The following DAAM1 variants were observed in gnomAD, a reference collection of about 807,000 sequenced individuals.
The protein encoded by DAAM1 is dishevelled associated activator of morphogenesis 1.
DAAM1 carries 52 observed loss-of-function variants against 130.0 expected under a neutral mutation model. That is an observed-to-expected ratio of 0.40 (90% CI 0.32 to 0.50). The LOEUF is 0.50. DAAM1 is among the 20% of genes least tolerant of loss of function. The pLI, the probability that DAAM1 is intolerant of heterozygous loss-of-function variation, is 0.61. For synonymous variants in DAAM1, 452 were observed against 444.5 expected (o/e 1.02, Z -0.21); for missense variants, 1,134 against 1,303.8 (o/e 0.87, Z 2.01).
chr14:59,244,615 A>T (rs1881282098), intron 1 of DAAM1, among the ~76,000 whole-genome samples: 1 of 152,220 alleles, frequency 6.6e-6, no homozygotes, highest in Non-Finnish European at 1.5e-5. Flanking sequence ...CACATGCAGA[A>T]TTGTGAATCT....
chr14:59,342,720 G>A (rs555620027), intron 16 of DAAM1, among the ~76,000 whole-genome samples: 1 of 152,266 alleles, frequency 6.6e-6, no homozygotes, highest in East Asian at 1.9e-4. Context: ...GAGAAGATTT[G>A]TGCGCAGTTC....
Position 59,326,003 on chromosome 14 carries a change from C to G in DAAM1, c.1100C>G (p.Thr367Ser). 6.2e-7 allele frequency: 1 copy of G among 1,614,180 alleles called. No individual in the cohort carries two copies. Among genetic ancestry groups the G allele is most frequent in the East Asian group, 2.2e-5 (1 of 44,868 alleles). ...AGTGCAACTCAGATGTTTGAGCTGA[C>G]CAGGAAGAGGCTGACACATAGTGAA... Reference protein sequence around the residue: ...TKSATQMFELTRKRLTHSEAY... With the variant: ...TKSATQMFELSRKRLTHSEAY... Residue 367 changes from threonine (T) to serine (S), a missense_variant, in exon 10 of 25, where the codon ACC becomes AGC. By Grantham distance (58) the Thr-to-Ser change is moderately conservative. Transcript: ENST00000360909.
At chr14:59,359,165 T>C (rs1886606557) in intron 20 of DAAM1, 1 of 330,298 alleles carries the variant, frequency 3.0e-6, no homozygotes, top group Admixed American at 4.4e-5. Flanking sequence ...GTGTGCTTTT[T>C]GACATATATC....
chr14:59,309,712 T>C (rs1025820444), intron 3 of DAAM1, among the ~76,000 whole-genome samples: 1 of 152,230 alleles, frequency 6.6e-6, no homozygotes, highest in African/African-American at 2.4e-5. Context: ...AGGAAAAGTT[T>C]GCGACCCTTG....
intron 17 of DAAM1, 73 bp from the exon 18 acceptor site, chr14:59,352,453 C>A: frequency 8.5e-7 from 1 of 1,175,366 alleles, no homozygotes; most frequent in Non-Finnish European, 1.2e-6. Context: ...GACAGATTAA[C>A]TGAAAGGGTG....
intron 5 of DAAM1, 25 bp from the exon 6 acceptor site, chr14:59,322,867 C>T (rs763284090): frequency 3.2e-5 from 50 of 1,569,042 alleles, no homozygotes; most frequent in African/African-American, 5.4e-5. Flanking sequence ...GGCACTTAAG[C>T]ATGGTGCATT....
At chr14:59,360,743 CTTATA>C (rs1332221728) in intron 21 of DAAM1, 54 bp from the exon 22 acceptor site, 2 of 1,449,458 alleles carry the variant, frequency 1.4e-6, no homozygotes, top group Admixed American at 3.9e-5. Flanking sequence ...TTAAACCCAT[CTTATA>C]TTTAATATGT....
chr14:59,272,643 A>ATAGGTATG (rs1882771218), intron 2 of DAAM1, among the ~76,000 whole-genome samples: 1 of 145,874 alleles, frequency 6.9e-6, no homozygotes, highest in Non-Finnish European at 1.5e-5. Context: ...ACACACATAT[A>ATAGGTATG]TATGTATGTA....
At chr14:59,190,742 T>C (rs1887707278) in intron 1 of DAAM1, among the ~76,000 whole-genome samples, 1 of 152,130 alleles carries the variant, frequency 6.6e-6, no homozygotes, top group Non-Finnish European at 1.5e-5. Context: ...GTAGAGAGGG[T>C]TTCCTAACGT....
At chr14:59,194,725 T>C (rs1887831738) in intron 1 of DAAM1, among the ~76,000 whole-genome samples, 1 of 152,218 alleles carries the variant, frequency 6.6e-6, no homozygotes, top group African/African-American at 2.4e-5. Flanking sequence ...TAAAATAAAC[T>C]TTTTCCCCCC....
At chr14:59,247,428 C>T (rs1178904717) in intron 1 of DAAM1, among the ~76,000 whole-genome samples, 2 of 152,022 alleles carry the variant, frequency 1.3e-5, no homozygotes, top group Middle Eastern at 3.2e-3. Context: ...CCAAAGATGC[C>T]GTTGGGATTT....
chr14:59,195,565 T>G (rs1408626639), intron 1 of DAAM1, among the ~76,000 whole-genome samples: 2 of 152,160 alleles, frequency 1.3e-5, no homozygotes, highest in Non-Finnish European at 2.9e-5. Context: ...GGCACACAAT[T>G]AAGGTCACCT....
chr14:59,310,914 GACCTTTGCATAGCTT>G (rs1884563675), intron 3 of DAAM1, among the ~76,000 whole-genome samples: 1 of 151,818 alleles, frequency 6.6e-6, no homozygotes, highest in South Asian at 2.1e-4. Context: ...ACAATTGATT[GACCTTTGCATAGCTT>G]ATTTTGGGCC....
intron 1 of DAAM1, among the ~76,000 whole-genome samples, chr14:59,259,461 C>A (rs981923580): frequency 1.3e-5 from 2 of 152,128 alleles, no homozygotes; most frequent in African/African-American, 4.8e-5. Flanking sequence ...ATTTTCTTGC[C>A]CTCATTTCCT....
At chr14:59,280,535 C>T (rs1485950221) in intron 2 of DAAM1, among the ~76,000 whole-genome samples, 43 of 90,656 alleles carry the variant, frequency 4.7e-4, no homozygotes, top group Non-Finnish European at 1.0e-4. Flanking sequence ...GCACACCTTC[C>T]TTTTTTTTTT....
At chr14:59,213,940 C>G (rs773521369) in intron 1 of DAAM1, among the ~76,000 whole-genome samples, 124 of 152,328 alleles carry the variant, frequency 8.1e-4, no homozygotes, top group Middle Eastern at 3.4e-3. Context: ...AGGGCAACCT[C>G]AGAGCTTGTT....
At chr14:59,323,948 C>T (rs1367914197) in intron 6 of DAAM1, among the ~76,000 whole-genome samples, 180 bp from the exon 7 acceptor site, 3 of 151,636 alleles carry the variant, frequency 2.0e-5, no homozygotes, top group Non-Finnish European at 4.4e-5. Flanking sequence ...AAGAGAATGG[C>T]GTGAACCCGG....
At chr14:59,284,986 C>A (rs1421646311) in intron 2 of DAAM1, among the ~76,000 whole-genome samples, 3 of 151,914 alleles carry the variant, frequency 2.0e-5, no homozygotes, top group Non-Finnish European at 4.4e-5. Context: ...TGCAGGGTAA[C>A]CATCCCTAAG....
intron 17 of DAAM1, among the ~76,000 whole-genome samples, chr14:59,348,108 A>T (rs1455374370): frequency 6.6e-6 from 1 of 152,234 alleles, no homozygotes; most frequent in Non-Finnish European, 1.5e-5. Flanking sequence ...CATACGTGTC[A>T]CAAGACAGGT....
Sources: gnomAD v4.1 joint callset for allele counts (sites outside exome capture counted in the v4.1 genomes callset) on GRCh38, gnomAD v4.1.1 for gene constraint, MANE v1.5 for transcripts, NCBI Gene and HGNC (gene_info 2026-07-23, HGNC 2026-07-21) for gene names.